The following VANGL1 variants were observed in gnomAD, a reference collection of about 807,000 sequenced individuals.
The protein encoded by VANGL1 is VANGL planar cell polarity protein 1, also known as vang-like protein 1.
In VANGL1, 18 loss-of-function variants were observed where a neutral mutation model predicts 48.4. That is an observed-to-expected ratio of 0.37 (90% confidence interval 0.26 to 0.55). The LOEUF is 0.55. Ranked by LOEUF, VANGL1 falls within the 20% of genes least tolerant of loss-of-function variation. VANGL1 has a pLI of 0.81. For synonymous variants in VANGL1, 257 were observed against 261.8 expected, an observed-to-expected ratio of 0.98 and a Z score of 0.18; for missense variants, 667 against 675.8, an observed-to-expected ratio of 0.99 and a Z score of 0.14.
rs1424239361 is a variant in VANGL1 at position 115,692,793 on chromosome 1, T to C, written c.*1414T>C. On this transcript the variant is annotated 3_prime_UTR_variant, in exon 8 of 8. Coordinates refer to ENST00000355485, the MANE Select transcript of VANGL1 (RefSeq NM_138959.3). Reference sequence around the variant, plus strand: ...CCCATCCGGACCTCTTGCACTGGGCTGCCTTTGCCTCCATTTGCCTTCCTG... The same window carrying C: ...CCCATCCGGACCTCTTGCACTGGGCCGCCTTTGCCTCCATTTGCCTTCCTG... 6.6e-6 allele frequency: 1 copy of C among 152,272 alleles called. No individual in the cohort carries two copies. The highest frequency in any genetic ancestry group is 2.4e-5 in the African/African-American group (1 of 41,468). 9.4% of individuals were successfully genotyped at this position (152,272 alleles called of 1,614,324 possible). A position where few individuals can be genotyped will look rare whatever the true frequency, so the allele number is the denominator to read the frequency against.
chr1:115,684,110 C>T, intron 6 of VANGL1, 34 bp downstream of exon 6: 1 of 1,585,952 alleles, frequency 6.3e-7, no homozygotes, highest in Non-Finnish European at 8.6e-7. Context: ...TACCCTCTTA[C>T]AGACTTTTAA....
At chr1:115,685,751 G>A (rs903743553) in intron 7 of VANGL1, among the ~76,000 whole-genome samples, 2 of 151,982 alleles carry the variant, frequency 1.3e-5, no homozygotes, top group African/African-American at 4.8e-5. Context: ...AGAGAATTTC[G>A]CTTGGAGGAC....
chr1:115,676,504 G>A (rs1003941602), intron 4 of VANGL1, among the ~76,000 whole-genome samples: 1 of 152,176 alleles, frequency 6.6e-6, no homozygotes, highest in Non-Finnish European at 1.5e-5. Context: ...GGTGGCTATC[G>A]TTTATGAATT....
At chr1:115,659,799 C>T in intron 3 of VANGL1, 26 bp downstream of exon 3, 1 of 1,614,070 alleles carries the variant, frequency 6.2e-7, no homozygotes, top group Non-Finnish European at 8.5e-7. Flanking sequence ...GGTCTGTAAG[C>T]ACACTGCCAC....
At chr1:115,660,703 G>A (rs560504096) in intron 3 of VANGL1, among the ~76,000 whole-genome samples, 24 of 152,120 alleles carry the variant, frequency 1.6e-4, no homozygotes, top group Admixed American at 7.9e-4. Flanking sequence ...ATAGATATAG[G>A]ACTATAGATA....
chr1:115,679,821 G>A (rs1441245155), intron 4 of VANGL1, among the ~76,000 whole-genome samples: 2 of 152,174 alleles, frequency 1.3e-5, no homozygotes, highest in Non-Finnish European at 2.9e-5. Flanking sequence ...GCCTAGAGAT[G>A]TTTCTTTATC....
rs934620889 is a variant in VANGL1 at position 115,691,234 on chromosome 1, A to G, written c.1430A>G (p.Asp477Gly). The change falls in exon 8 of 8, where the codon GAT (aspartate) becomes GGT (glycine). Residue 477 changes from aspartate to glycine, a missense_variant. Asp to Gly is a moderately conservative substitution (Grantham distance 94, BLOSUM62 -1). Coordinates refer to ENST00000355485, the MANE Select transcript of VANGL1 (RefSeq NM_138959.3). ...SDEAVTNGLR[D>G]GIVFVLKCLD... is the part of the protein sequence containing the mutation. ...GAGGCTGTGACTAATGGATTACGGG[A>G]TGGAATTGTGTTCGTCCTTAAGTGC... 3 of 1,614,110 alleles carry G rather than the reference A, an allele frequency of 1.9e-6. No individual in the cohort carries two copies. Among genetic ancestry groups the G allele is most frequent in the Non-Finnish European group, 2.5e-6 (3 of 1,180,040 alleles).
intron 1 of VANGL1, among the ~76,000 whole-genome samples, chr1:115,650,633 A>G (rs1213056409): frequency 1.3e-5 from 2 of 152,128 alleles, no homozygotes; most frequent in Non-Finnish European, 2.9e-5. Flanking sequence ...ATTCTTTATA[A>G]TGATCATTTT....
rs1653658884 is a variant in VANGL1, at chr1:115,686,886, A to G, written c.1314+1359A>G. ...TGTTGTATCAATGAGGATAATAATA[A>G]TATCTCTCTGACAGGGTTGTTGTGT... is the stretch of plus-strand genomic sequence containing the variant. On this transcript the variant is annotated intron_variant, in intron 7 of 7. Coordinates refer to ENST00000355485, the MANE Select transcript of VANGL1 (RefSeq NM_138959.3). 2.8e-5 allele frequency among the ~76,000 whole-genome samples: 4 copies of G among 140,834 alleles called. 1 individual carries two copies. Among genetic ancestry groups the G allele is most frequent in the Non-Finnish European group, 4.7e-5 (3 of 63,844 alleles). 92.4% of individuals were successfully genotyped at this position (140,834 alleles called of 152,430 possible). A position where few individuals can be genotyped will look rare whatever the true frequency, so the allele number is the denominator to read the frequency against.
chr1:115,691,162 A>G lies in VANGL1; in HGVS notation c.1358A>G (p.Tyr453Cys). 1.2e-6 allele frequency: 2 copies of G among 1,614,048 alleles called. No homozygotes were observed. Among genetic ancestry groups the G allele is most frequent in the Admixed American group, 1.7e-5 (1 of 60,022 alleles). Residue 453 changes from tyrosine (Y) to cysteine (C), a missense_variant, in exon 8 of 8, where the codon TAT (tyrosine) becomes TGT (cysteine). By Grantham distance (194) the Tyr-to-Cys change is radical. Coordinates refer to ENST00000355485, the MANE Select transcript of VANGL1 (RefSeq NM_138959.3). ...RYLSAGPTLQYDKDRWLSTQW... is the reference protein window; with the variant it reads ...RYLSAGPTLQCDKDRWLSTQW... ...CTCAGTGCGGGCCCCACCCTGCAAT[A>G]TGACAAGGACCGCTGGCTCTCTACA...
intron 1 of VANGL1, among the ~76,000 whole-genome samples, chr1:115,647,993 A>G (rs940176192): frequency 2.0e-5 from 3 of 152,206 alleles, no homozygotes; most frequent in East Asian, 1.9e-4. Flanking sequence ...AGCTTCTGCC[A>G]TAGGAAATCT....
chr1:115,659,833 A>AT, intron 3 of VANGL1, 60 bp downstream of exon 3: 3 of 1,610,136 alleles, frequency 1.9e-6, no homozygotes, highest in Non-Finnish European at 2.5e-6. Flanking sequence ...CTGTCTGTAA[A>AT]TGTTTTCCTT....
intron 4 of VANGL1, among the ~76,000 whole-genome samples, chr1:115,666,812 G>A (rs1652809685): frequency 6.6e-6 from 1 of 152,188 alleles, no homozygotes; most frequent in Non-Finnish European, 1.5e-5. Flanking sequence ...CATCTTTACT[G>A]ACAAATGGAG....
chr1:115,667,258 A>G (rs979553443), intron 4 of VANGL1, among the ~76,000 whole-genome samples: 2 of 152,038 alleles, frequency 1.3e-5, no homozygotes, highest in African/African-American at 4.8e-5. Flanking sequence ...AAGAATGTCT[A>G]CTCTTTAGTT....
chr1:115,662,367 C>T lies in VANGL1; in HGVS notation c.205-1294C>T, dbSNP rs565203602. On this transcript the variant is annotated intron_variant, in intron 3 of 7. Transcript: ENST00000355485. The stretch of plus-strand genomic sequence containing the variant: ...CCACTGCATCTGACTGTTTTCTTTC[C>T]GAGTGAAAGGATACATACAAATTTC... Among the ~76,000 whole-genome samples, 12 of 152,278 alleles carry T rather than the reference C, an allele frequency of 7.9e-5. 1 individual carries two copies. In the South Asian group the frequency reaches 2.5e-3, roughly 32 times the overall value.
intron 4 of VANGL1, among the ~76,000 whole-genome samples, chr1:115,668,061 G>C (rs1652856661): frequency 6.6e-6 from 1 of 152,182 alleles, no homozygotes; most frequent in East Asian, 1.9e-4. Context: ...GGTAGGTTCT[G>C]GTAGCCTCCT....
At chr1:115,650,936 G>A (rs1478001902) in intron 1 of VANGL1, among the ~76,000 whole-genome samples, 1 of 151,908 alleles carries the variant, frequency 6.6e-6, no homozygotes, top group East Asian at 1.9e-4. Flanking sequence ...CTGGCAGTGG[G>A]GGGCTGGGCA....
chr1:115,652,911 AT>A (rs1570739484), intron 2 of VANGL1, among the ~76,000 whole-genome samples: 1 of 151,986 alleles, frequency 6.6e-6, no homozygotes, highest in South Asian at 2.1e-4. Context: ...TACTTGTTCA[AT>A]TTTTTTTACA....
At position 115,691,259 on chromosome 1, in the gene VANGL1, C is replaced by T; in HGVS notation, c.1455C>T (p.Cys485=). 1 of 1,614,146 alleles carries T rather than the reference C, an allele frequency of 6.2e-7. No homozygotes were observed. Among genetic ancestry groups the T allele is most frequent in the Non-Finnish European group, 8.5e-7 (1 of 1,180,026 alleles). Residue 485 remains cysteine, a synonymous_variant, in exon 8 of 8, where the codon TGC becomes TGT. Transcript: ENST00000355485. ...ATGGAATTGTGTTCGTCCTTAAGTG[C>T]TTGGACTTCAGCCTCGTAGTCAATG... ...LRDGIVFVLK[C]LDFSLVVNVK... is the part of the protein sequence containing the mutation.
Sources: gnomAD v4.1 joint callset for allele counts (sites outside exome capture counted in the v4.1 genomes callset) on GRCh38, gnomAD v4.1.1 for gene constraint, MANE v1.5 for transcripts, NCBI Gene and HGNC (gene_info 2026-07-23, HGNC 2026-07-21) for gene names.